The following STPG2 variants were observed in gnomAD, a reference collection of about 807,000 sequenced individuals.
STPG2 encodes the protein sperm tail PG-rich repeat containing 2.
In STPG2, 56 loss-of-function variants were observed where a neutral mutation model predicts 54.2. The observed-to-expected ratio is 1.03, with a 90% CI of 0.83 to 1.29. The LOEUF is 1.29. Ranked by LOEUF, STPG2 falls within the 50% of genes most tolerant of loss-of-function variation. The pLI is 0.00. For synonymous variants in STPG2, 200 were observed against 181.8 expected, an observed-to-expected ratio of 1.10 and a Z score of -0.81; for missense variants, 596 against 544.9, an observed-to-expected ratio of 1.09 and a Z score of -0.93.
intron 10 of STPG2, among the ~76,000 whole-genome samples, chr4:97,645,933 A>G (rs1307435544): frequency 2.6e-5 from 4 of 152,112 alleles, no homozygotes; most frequent in African/African-American, 9.7e-5. Flanking sequence ...TCTCCATTAT[A>G]CATAAATTCC....
At chr4:97,757,035 C>A (rs997993970) in intron 9 of STPG2, among the ~76,000 whole-genome samples, 6 of 152,064 alleles carry the variant, frequency 3.9e-5, no homozygotes, top group South Asian at 2.1e-4. Flanking sequence ...TAAGAAGGCA[C>A]TCTATCATTT....
chr4:97,904,801 G>A (rs979604996), intron 8 of STPG2, among the ~76,000 whole-genome samples: 27 of 152,178 alleles, frequency 1.8e-4, no homozygotes, highest in African/African-American at 3.4e-4. Flanking sequence ...TGAGAACTAC[G>A]TGAAGAATGC....
At chr4:98,089,254 C>T (rs1474744721) in intron 5 of STPG2, among the ~76,000 whole-genome samples, 1 of 152,054 alleles carries the variant, frequency 6.6e-6, no homozygotes, top group Non-Finnish European at 1.5e-5. Flanking sequence ...ATTCTTATAC[C>T]TTTGCAGCCT....
chr4:98,135,531 C>A (rs549891846), intron 1 of STPG2, among the ~76,000 whole-genome samples: 1 of 151,732 alleles, frequency 6.6e-6, no homozygotes, highest in Middle Eastern at 3.4e-3. Flanking sequence ...AAGACACATG[C>A]AAATTCAGAA....
intron 6 of STPG2, among the ~76,000 whole-genome samples, chr4:97,979,845 C>T (rs1734614796): frequency 6.6e-6 from 1 of 151,930 alleles, no homozygotes; most frequent in Non-Finnish European, 1.5e-5. Flanking sequence ...CTGCCTCAGC[C>T]TCCCCAATAG....
chr4:97,604,458 G>C (rs1036668232), intron 10 of STPG2, among the ~76,000 whole-genome samples: 6 of 151,700 alleles, frequency 4.0e-5, no homozygotes, highest in Non-Finnish European at 7.4e-5. Context: ...CACAGTCTGA[G>C]CATTCTGTCT....
downstream of STPG2, among the ~76,000 whole-genome samples, chr4:97,558,079 CAT>C (rs1732122125): frequency 6.6e-6 from 1 of 152,192 alleles, no homozygotes; most frequent in Non-Finnish European, 1.5e-5. Context: ...AGAGTGGCTG[CAT>C]ATATCTGTGC....
chr4:97,962,668 G>C (rs1030333487), intron 7 of STPG2, among the ~76,000 whole-genome samples: 2 of 152,140 alleles, frequency 1.3e-5, no homozygotes, highest in African/African-American at 4.8e-5. Context: ...TATTCAAAGT[G>C]TTTTTTGATT....
At position 97,803,948 on chromosome 4, in the gene STPG2, G is replaced by C. The variant is rs150335577; in HGVS notation, c.1204+36825C>G. Among the ~76,000 whole-genome samples the C allele has an allele frequency of 1.8e-3, 270 of 152,246 alleles. 1 individual carries two copies. The highest frequency in any genetic ancestry group is 3.0e-3 in the Non-Finnish European group (203 of 68,008). On this transcript the variant is annotated intron_variant, in intron 9 of 10. Coordinates refer to ENST00000295268, the MANE Select transcript of STPG2 (RefSeq NM_174952.3). Reference sequence around the variant, plus strand: ...AAATCACAGTACCCCACCTAAACAAGACATTTAAAAAGGCAGTCACTGGTT... The same window carrying C: ...AAATCACAGTACCCCACCTAAACAACACATTTAAAAAGGCAGTCACTGGTT...
intron 9 of STPG2, among the ~76,000 whole-genome samples, chr4:97,767,176 T>C (rs1257191840): frequency 6.6e-6 from 1 of 152,164 alleles, no homozygotes; most frequent in African/African-American, 2.4e-5. Context: ...AGCTTTATAG[T>C]GTCTATCCCA....
At chr4:97,940,310 G>GT (rs1159479343) in intron 8 of STPG2, among the ~76,000 whole-genome samples, 2 of 152,168 alleles carry the variant, frequency 1.3e-5, no homozygotes, top group Non-Finnish European at 2.9e-5. Flanking sequence ...TCTTGCAGAA[G>GT]TTATCTGTAT....
intron 10 of STPG2, among the ~76,000 whole-genome samples, chr4:97,660,748 C>T (rs191547798): frequency 2.4e-4 from 36 of 152,102 alleles, no homozygotes; most frequent in Admixed American, 2.1e-3. Flanking sequence ...TTTAGAAATG[C>T]GTTACTGTCA....
At chr4:97,547,434 T>C (rs1437368154) in intron 4 of STPG2, among the ~76,000 whole-genome samples, 1 of 152,058 alleles carries the variant, frequency 6.6e-6, no homozygotes, top group Non-Finnish European at 1.5e-5. Flanking sequence ...ATGGTCTCAA[T>C]CTCCTGACCT....
chr4:97,916,248 G>A (rs1351898941), intron 8 of STPG2: 1 of 152,614 alleles, frequency 6.6e-6, no homozygotes, highest in Non-Finnish European at 1.5e-5. Context: ...GATTAGTAAG[G>A]AAAGTGGTAA....
intron 10 of STPG2, among the ~76,000 whole-genome samples, chr4:97,559,707 A>G (rs754602160): frequency 2.0e-5 from 3 of 152,068 alleles, no homozygotes; most frequent in East Asian, 1.9e-4. Context: ...TTAACCTTCA[A>G]TTCTCTCTTT....
intron 10 of STPG2, among the ~76,000 whole-genome samples, chr4:97,619,833 T>C (rs111583354): frequency 0.13 from 19,470 of 150,282 alleles, 3,854 homozygotes; most frequent in African/African-American, 0.43. Context: ...TATTTTTTTT[T>C]TTTTTTTTGA....
At chr4:97,677,174 A>G (rs1722876810) in intron 10 of STPG2, among the ~76,000 whole-genome samples, 1 of 152,192 alleles carries the variant, frequency 6.6e-6, no homozygotes, top group Non-Finnish European at 1.5e-5. Flanking sequence ...CTGCTCATAA[A>G]CCATAAAATG....
At chr4:97,994,641 C>T (rs866967201) in intron 5 of STPG2, among the ~76,000 whole-genome samples, 7 of 152,040 alleles carry the variant, frequency 4.6e-5, no homozygotes, top group South Asian at 2.1e-4. Flanking sequence ...ATGTGCAAAG[C>T]GATGTGACCC....
chr4:97,600,686 C>T (rs1733434489), intron 10 of STPG2, among the ~76,000 whole-genome samples: 1 of 152,126 alleles, frequency 6.6e-6, no homozygotes, highest in Admixed American at 6.5e-5. Context: ...CACACACATA[C>T]ACACACAAAA....
Sources: gnomAD v4.1 joint callset for allele counts (sites outside exome capture counted in the v4.1 genomes callset) on GRCh38, gnomAD v4.1.1 for gene constraint, MANE v1.5 for transcripts, NCBI Gene and HGNC (gene_info 2026-07-23, HGNC 2026-07-21) for gene names.